The following NPM1 variants were observed in gnomAD, a reference collection of about 807,000 sequenced individuals.
The protein encoded by NPM1 is nucleophosmin 1.
A neutral mutation model predicts 44.1 loss-of-function variants in NPM1; 1 was observed. The ratio of observed to expected loss-of-function variants is 0.02; its 90% CI spans 0.01 to 0.11. NPM1 has a LOEUF of 0.11. Among genes scored for constraint, NPM1 ranks in the 10% least tolerant of loss-of-function variants. NPM1 has a pLI of 1.00. For missense variants in NPM1, 197 were observed against 347.8 expected (o/e 0.57, Z 3.45); for synonymous variants, 126 against 111.8 (o/e 1.13, Z -0.80).
intron 6 of NPM1, among the ~76,000 whole-genome samples, chr5:171,395,729 A>G (rs1341536440): frequency 1.3e-5 from 2 of 152,198 alleles, no homozygotes; most frequent in Non-Finnish European, 2.9e-5. Context: ...AAGGTTCGTT[A>G]TAGTTACTTA....
In NPM1 at chr5:171,388,098, C is replaced by G. The variant is rs540058465; in HGVS notation, c.58+92C>G. On this transcript the variant is annotated intron_variant, in intron 1 of 10. Coordinates refer to ENST00000296930, the MANE Select transcript of NPM1 (RefSeq NM_002520.7). Reference sequence around the variant, plus strand: ...GGCGGGAATCCGGCTGCAACCGGGTCTGGTGGAGACCGCCAGACCGACGGG... The same window carrying G: ...GGCGGGAATCCGGCTGCAACCGGGTGTGGTGGAGACCGCCAGACCGACGGG... 1.4e-4 allele frequency: 153 copies of G among 1,106,940 alleles called. No homozygotes were observed. The East Asian group carries it at 3.5e-3, about 25-fold the overall frequency. 68.6% of individuals were successfully genotyped at this position (1,106,940 alleles called of 1,614,324 possible). A position where few individuals can be genotyped will look rare whatever the true frequency, so the allele number is the denominator to read the frequency against.
intron 1 of NPM1, 72 bp downstream of exon 1, chr5:171,388,078 G>GGGGGTGGGGGGGGGGC: frequency 1.6e-6 from 1 of 616,752 alleles, no homozygotes; most frequent in Non-Finnish European, 3.0e-6. Context: ...TGAGGGGCGG[G>GGGGGTGGGGGGGGGGC]AATCCGGCTG....
chr5:171,400,517 C>T lies in NPM1; in HGVS notation c.582+307C>T, dbSNP rs536506649. 8.7e-5 allele frequency among the ~76,000 whole-genome samples: 13 copies of T among 149,010 alleles called. No individual in the cohort carries two copies. The South Asian group carries it at 1.7e-3, about 20-fold the overall frequency. ...TGTCACCCGGGCTGGAGTACAGTGG[C>T]GCGATCTCAGCTCACTGCAACTTCT... On this transcript the variant is annotated intron_variant, in intron 7 of 10. Transcript: ENST00000296930.
chr5:171,404,957 G>A (rs1473163713), intron 8 of NPM1, among the ~76,000 whole-genome samples: 1 of 151,608 alleles, frequency 6.6e-6, no homozygotes, highest in Non-Finnish European at 1.5e-5. Flanking sequence ...TTTATTTAAA[G>A]AGATGGGTGG....
chr5:171,402,972 T>TGTTTC (rs1374577396), intron 8 of NPM1, among the ~76,000 whole-genome samples: 2 of 105,948 alleles, frequency 1.9e-5, no homozygotes, highest in African/African-American at 7.4e-5. Context: ...TTTTTCATTT[T>TGTTTC]ATTTATTTAT....
At chr5:171,403,613 G>T (rs1176082414) in intron 8 of NPM1, among the ~76,000 whole-genome samples, 1 of 119,720 alleles carries the variant, frequency 8.4e-6, no homozygotes, top group South Asian at 2.9e-4. Flanking sequence ...CCTCCCGGAC[G>T]GGGCGGCTGG....
At chr5:171,400,321 A>ATACTGAGGGAGATCATCTCT in intron 7 of NPM1, 111 bp downstream of exon 7, 2 of 1,231,432 alleles carry the variant, frequency 1.6e-6, no homozygotes, top group Non-Finnish European at 1.1e-6. Flanking sequence ...AGATCATCTC[A>ATACTGAGGGAGATCATCTCT]TACTGAAAAT....
chr5:171,394,041 CTTTTTTTTT>C (rs144186175), intron 6 of NPM1, among the ~76,000 whole-genome samples: 2 of 97,074 alleles, frequency 2.1e-5, no homozygotes, highest in Admixed American at 1.1e-4. Flanking sequence ...TTTTTGTTTT[CTTTTTTTTT>C]TTTTTTTTTT....
At chr5:171,396,823 T>C (rs1770916514) in intron 6 of NPM1, among the ~76,000 whole-genome samples, 1 of 152,086 alleles carries the variant, frequency 6.6e-6, no homozygotes, top group African/African-American at 2.4e-5. Flanking sequence ...TCTGCTAACA[T>C]ACAGCTGGGT....
At chr5:171,394,041 C>CTTTTTTTTTTTTTTTTTTT (rs144186175) in intron 6 of NPM1, among the ~76,000 whole-genome samples, 1 of 97,080 alleles carries the variant, frequency 1.0e-5, no homozygotes, top group Admixed American at 1.1e-4. Flanking sequence ...TTTTTGTTTT[C>CTTTTTTTTTTTTTTTTTTT]TTTTTTTTTT....
chr5:171,403,017 TA>T (rs1371381529), intron 8 of NPM1, among the ~76,000 whole-genome samples: 18 of 137,372 alleles, frequency 1.3e-4, no homozygotes, highest in Non-Finnish European at 2.7e-4. Flanking sequence ...TTTTTTAATT[TA>T]TTTTTTTATT....
At chr5:171,403,617 C>T (rs1306928235) in intron 8 of NPM1, among the ~76,000 whole-genome samples, 12 of 117,944 alleles carry the variant, frequency 1.0e-4, no homozygotes, top group African/African-American at 1.2e-4. Context: ...CCGGACGGGG[C>T]GGCTGGCCGG....
At chr5:171,394,139 T>G (rs1194736932) in intron 6 of NPM1, among the ~76,000 whole-genome samples, 1 of 150,546 alleles carries the variant, frequency 6.6e-6, no homozygotes, top group Non-Finnish European at 1.5e-5. Flanking sequence ...CCTCCTGGGT[T>G]CAAGCGATTG....
chr5:171,396,722 T>G (rs781405802), intron 6 of NPM1, among the ~76,000 whole-genome samples: 4 of 152,190 alleles, frequency 2.6e-5, no homozygotes, highest in Non-Finnish European at 5.9e-5. Context: ...AGTTCACACC[T>G]GTAATCCCAG....
rs549146478 is a variant in NPM1, at chr5:171,392,937, TGAA to T, written c.486_488del (p.Glu162del). The T allele has an allele frequency of 1.4e-5, 22 of 1,610,676 alleles. No individual in the cohort carries two copies. Among genetic ancestry groups the T allele is most frequent in the Non-Finnish European group, 2.5e-6 (3 of 1,177,130 alleles). On this transcript the variant is annotated inframe_deletion, in exon 6 of 11. Coordinates refer to ENST00000296930, the MANE Select transcript of NPM1 (RefSeq NM_002520.7). Reference sequence around the variant, plus strand: ...AGAAAAAAGTAAAACTTGCTGCTGATGAAGATGATGACGATGATGATGAAGAGG... The same window carrying T: ...AGAAAAAAGTAAAACTTGCTGCTGATGATGATGACGATGATGATGAAGAGG...
chr5:171,390,148 ATAAAC>A lies in NPM1; in HGVS notation c.138+21_138+25del, dbSNP rs760181119. ...TAAGAACGGTACTTAAACTTTCAAA[ATAAAC>A]TACTTAACCCTACTTGATTTCAGCC... On this transcript the variant is annotated intron_variant, in intron 2 of 10. Coordinates refer to ENST00000296930, the MANE Select transcript of NPM1 (RefSeq NM_002520.7). 1.9e-5 allele frequency: 26 copies of A among 1,380,298 alleles called. No homozygotes were observed. Among genetic ancestry groups the A allele is most frequent in the Non-Finnish European group, 2.0e-6 (2 of 998,710 alleles). 85.5% of individuals were successfully genotyped at this position (1,380,298 alleles called of 1,614,324 possible). A position where few individuals can be genotyped will look rare whatever the true frequency, so the allele number is the denominator to read the frequency against.
At chr5:171,403,574 T>C (rs1771353609) in intron 8 of NPM1, among the ~76,000 whole-genome samples, 1 of 108,404 alleles carries the variant, frequency 9.2e-6, no homozygotes, top group Non-Finnish European at 2.0e-5. Context: ...CACTTCCCAG[T>C]AGGGGCGGCT....
chr5:171,401,019 C>G, intron 8 of NPM1, 94 bp downstream of exon 8: 1 of 863,438 alleles, frequency 1.2e-6, no homozygotes, highest in South Asian at 1.4e-5. Flanking sequence ...ATTTGATAGG[C>G]CTTTATAGAA....
chr5:171,393,231 T>C (rs1237609915), intron 6 of NPM1, among the ~76,000 whole-genome samples: 2 of 152,216 alleles, frequency 1.3e-5, no homozygotes, highest in East Asian at 1.9e-4. Context: ...CTATAGTGTT[T>C]GTGAAGTTTG....
Sources: gnomAD v4.1 joint callset for allele counts (sites outside exome capture counted in the v4.1 genomes callset) on GRCh38, gnomAD v4.1.1 for gene constraint, MANE v1.5 for transcripts, NCBI Gene and HGNC (gene_info 2026-07-23, HGNC 2026-07-21) for gene names.